The following DEF8 variants were observed in gnomAD, a reference collection of about 807,000 sequenced individuals.
DEF8 encodes the protein differentially expressed in FDCP 8 homolog.
A neutral mutation model predicts 59.1 loss-of-function variants in DEF8; 38 were observed. That is an observed-to-expected ratio of 0.64 (90% CI 0.50 to 0.84). The LOEUF is 0.84. Ranked by LOEUF, DEF8 falls within the 40% of genes least tolerant of loss-of-function variation. The probability of loss-of-function intolerance (pLI) is 0.00; values close to 1 mark genes in which losing one functional copy is unlikely to be tolerated. For missense variants in DEF8, 557 were observed against 615.2 expected, an observed-to-expected ratio of 0.91 and a Z score of 1.00; for synonymous variants, 265 against 250.1, an observed-to-expected ratio of 1.06 and a Z score of -0.56.
chr16:89,961,461 A>AT (rs1491210623), intron 7 of DEF8, among the ~76,000 whole-genome samples: 2 of 152,172 alleles, frequency 1.3e-5, no homozygotes, highest in Admixed American at 1.3e-4. Flanking sequence ...AGTTGTGCAC[A>AT]TGTGCGCGTC....
chr16:89,965,676 C>A (rs1456135866), intron 12 of DEF8, among the ~76,000 whole-genome samples, 185 bp from the exon 13 acceptor site: 1 of 152,098 alleles, frequency 6.6e-6, no homozygotes, highest in East Asian at 1.9e-4. Context: ...CCCTGGAGGT[C>A]CACATCTGCA....
At chr16:89,958,654 G>A (rs1179119088) in intron 5 of DEF8, 1 of 284,676 alleles carries the variant, frequency 3.5e-6, no homozygotes, top group African/African-American at 2.2e-5. Context: ...ATGGTGTTGG[G>A]GAGGGCCTCC....
Position 89,966,224 on chromosome 16 carries a change from A to C in DEF8, c.*261A>C. 1 of 372,536 alleles carries C rather than the reference A, an allele frequency of 2.7e-6. No individual in the cohort carries two copies. Among genetic ancestry groups the C allele is most frequent in the Non-Finnish European group, 5.1e-6 (1 of 196,908 alleles). 23.1% of individuals were successfully genotyped at this position (372,536 alleles called of 1,614,324 possible). Reference sequence around the variant, plus strand: ...GCCCCCATCCTTCCCCCAATGCAGAACTCCATGGGCAGGGAGCTGGGGGGA... The same window carrying C: ...GCCCCCATCCTTCCCCCAATGCAGACCTCCATGGGCAGGGAGCTGGGGGGA... On this transcript the variant is annotated 3_prime_UTR_variant, in exon 13 of 13. Coordinates refer to ENST00000563594, the MANE Select transcript of DEF8 (RefSeq NM_001242818.2).
At chr16:89,963,705 A>C (rs1052086047) in intron 10 of DEF8, 1 of 538,804 alleles carries the variant, frequency 1.9e-6, no homozygotes, top group African/African-American at 1.9e-5. Flanking sequence ...CAGGTTGACC[A>C]CAAAACACAG....
chr16:89,949,851 TG>T (rs2031663407), intron 2 of DEF8, among the ~76,000 whole-genome samples: 1 of 152,190 alleles, frequency 6.6e-6, no homozygotes, highest in Non-Finnish European at 1.5e-5. Flanking sequence ...GTCCCACATC[TG>T]GGTGCAGAAC....
At chr16:89,952,908 G>T (rs772797824) in intron 2 of DEF8, among the ~76,000 whole-genome samples, 2 of 152,202 alleles carry the variant, frequency 1.3e-5, no homozygotes, top group Admixed American at 6.5e-5. Flanking sequence ...TGGGGTTGGG[G>T]TGGCCTCCTT....
chr16:89,963,476 G>A (rs768222541), intron 10 of DEF8, 33 bp downstream of exon 10: 2 of 1,595,452 alleles, frequency 1.3e-6, no homozygotes, highest in African/African-American at 1.3e-5. Flanking sequence ...CCCCCGATGG[G>A]AAGCGCAGCC....
At chr16:89,957,046 C>T (rs189219454) in intron 4 of DEF8, among the ~76,000 whole-genome samples, 43 of 152,278 alleles carry the variant, frequency 2.8e-4, no homozygotes, top group South Asian at 8.3e-4. Flanking sequence ...GCCCCCTGGT[C>T]GCTATGTGGC....
At chr16:89,958,005 C>T (rs75852094) in intron 5 of DEF8, 21,214 of 183,952 alleles carry the variant, frequency 0.12, 1,501 homozygotes, top group Middle Eastern at 0.2. Flanking sequence ...GATCCAGCCT[C>T]AGGCAGGCCT....
intron 2 of DEF8, among the ~76,000 whole-genome samples, chr16:89,950,908 G>A (rs2031922180): frequency 6.6e-6 from 1 of 152,196 alleles, no homozygotes; most frequent in Non-Finnish European, 1.5e-5. Context: ...TTCAGCCCAG[G>A]AGTTTGAGGC....
rs755781969 is a variant in DEF8 at position 89,957,549 on chromosome 16, G to C, written c.261G>C (p.Gln87His). The change falls in exon 5 of 13, where the codon CAG (glutamine) becomes CAC (histidine). Residue 87 changes from glutamine (Q) to histidine (H), a missense_variant. Transcript: ENST00000563594. ...FLASDVQQLR[Q>H]AIEECKQVIL... ...CCTCTGACGTCCAGCAGCTGCGGCA[G>C]GCGATCGAGGAGTGCAAGCAGGTGA... is the stretch of plus-strand genomic sequence containing the variant. 15 of 1,592,742 alleles carry C rather than the reference G, an allele frequency of 9.4e-6. No individual in the cohort carries two copies. The African/African-American group carries it at 1.9e-4, about 20-fold the overall frequency.
intron 4 of DEF8, among the ~76,000 whole-genome samples, chr16:89,955,502 G>A (rs970225720): frequency 6.6e-6 from 1 of 152,210 alleles, no homozygotes; most frequent in African/African-American, 2.4e-5. Flanking sequence ...GAAGGCAGGT[G>A]GAGAGAGCCT....
chr16:89,958,721 C>T lies in DEF8; in HGVS notation c.373-293C>T, dbSNP rs528419562. 9.2e-5 allele frequency among the ~76,000 whole-genome samples: 14 copies of T among 152,302 alleles called. 1 individual carries two copies. In the East Asian group the frequency reaches 9.7e-4, roughly 11 times the overall value. On this transcript the variant is annotated intron_variant, in intron 5 of 12. Coordinates refer to ENST00000563594, the MANE Select transcript of DEF8 (RefSeq NM_001242818.2). Reference sequence around the variant, plus strand: ...AGCAGGAGGGGCAGAGAGGCCGGGTCGCTCCCGCTCACATGCCCATGGCCC... The same window carrying T: ...AGCAGGAGGGGCAGAGAGGCCGGGTTGCTCCCGCTCACATGCCCATGGCCC...
intron 2 of DEF8, among the ~76,000 whole-genome samples, chr16:89,950,998 A>T (rs993871620): frequency 2.6e-5 from 4 of 152,204 alleles, no homozygotes; most frequent in Middle Eastern, 6.3e-3. Context: ...AGTAATAATG[A>T]TAAATTATAA....
Position 89,955,199 on chromosome 16 carries a change from C to T in DEF8, c.155C>T (p.Pro52Leu), listed in dbSNP as rs768574423. ...CTGCCTGAGCTGCCCCCTGGGGAGC[C>T]GGAATTCCGCTGCCCTGAACGCGTG... ...EALPELPPGE[P>L]EFRCPERVMD... is the part of the protein sequence containing the mutation. Residue 52 changes from proline to leucine, a missense_variant, in exon 4 of 13, where the codon CCG (proline) becomes CTG (leucine). By Grantham distance (98) the Pro-to-Leu change is moderately conservative (BLOSUM62 -3). Transcript: ENST00000563594. 39 of 1,613,532 alleles carry T rather than the reference C, an allele frequency of 2.4e-5. No homozygotes were observed. In the Middle Eastern group the frequency reaches 6.6e-4, roughly 27 times the overall value.
At chr16:89,959,306 CGTT>C in intron 6 of DEF8, 151 bp downstream of exon 6, 1 of 1,492,104 alleles carries the variant, frequency 6.7e-7, no homozygotes, top group Non-Finnish European at 8.9e-7. Context: ...TGCATTTCCT[CGTT>C]GTACTGTCTA....
chr16:89,959,687 C>T (rs1031865295), intron 6 of DEF8, among the ~76,000 whole-genome samples: 3 of 152,036 alleles, frequency 2.0e-5, no homozygotes, highest in Admixed American at 6.5e-5. Flanking sequence ...TTAGTAGAGA[C>T]GGGGTTTCAC....
chr16:89,963,342 C>T lies in DEF8; in HGVS notation c.922-21C>T, dbSNP rs199577324. 119 of 1,611,136 alleles carry T rather than the reference C, an allele frequency of 7.4e-5. No individual in the cohort carries two copies. In the East Asian group the frequency reaches 2.6e-3, roughly 35 times the overall value. On this transcript the variant is annotated intron_variant, in intron 9 of 12. Transcript: ENST00000563594. ...CTGTGTCCTGGCTGAGGAGGCCTGC[C>T]TGCTCCCGCCTTGTTTGCAGAAGCT... is the stretch of plus-strand genomic sequence containing the variant.
At chr16:89,955,839 G>A (rs1051044940) in intron 4 of DEF8, among the ~76,000 whole-genome samples, 29 of 152,296 alleles carry the variant, frequency 1.9e-4, no homozygotes, top group Admixed American at 1.4e-3. Context: ...TTGGGAGGCT[G>A]AGGCGGGCGG....
Sources: gnomAD v4.1 joint callset for allele counts (sites outside exome capture counted in the v4.1 genomes callset) on GRCh38, gnomAD v4.1.1 for gene constraint, MANE v1.5 for transcripts, NCBI Gene and HGNC (gene_info 2026-07-23, HGNC 2026-07-21) for gene names.